Variants in VPS13B observed in about 807,000 individuals in gnomAD.
The protein encoded by VPS13B is vacuolar protein sorting 13 homolog B, also known as intermembrane lipid transfer protein VPS13B.
Under a neutral mutation model 426.4 loss-of-function variants are expected in VPS13B, and 285 were observed. The ratio of observed to expected loss-of-function variants is 0.67; its 90% CI spans 0.61 to 0.74. VPS13B has a LOEUF of 0.74. Among genes scored for constraint, VPS13B ranks in the 30% least tolerant of loss-of-function variants. VPS13B has a pLI of 0.00. For synonymous variants in VPS13B, 1,676 were observed against 1,676.4 expected (o/e 1.00, Z 0.01); for missense variants, 4,537 against 4,782.6 (o/e 0.95, Z 1.51).
At chr8:99,159,868 A>G (rs919050400) in intron 15 of VPS13B, among the ~76,000 whole-genome samples, 1 of 152,162 alleles carries the variant, frequency 6.6e-6, no homozygotes, top group Admixed American at 6.5e-5. Flanking sequence ...CATGTTGCCC[A>G]GGCTGGTCTC....
intron 33 of VPS13B, among the ~76,000 whole-genome samples, chr8:99,619,552 T>TC: frequency 6.6e-6 from 1 of 152,252 alleles, no homozygotes. Context: ...TGCCTCAGTT[T>TC]CCCCACAATT....
intron 39 of VPS13B, among the ~76,000 whole-genome samples, chr8:99,751,388 G>A (rs1420170247): frequency 2.0e-5 from 3 of 152,088 alleles, no homozygotes; most frequent in Admixed American, 1.3e-4. Flanking sequence ...AATTTGGACT[G>A]TAAAGACATA....
At chr8:99,152,166 G>A (rs1811112349) in intron 14 of VPS13B, among the ~76,000 whole-genome samples, 1 of 152,040 alleles carries the variant, frequency 6.6e-6, no homozygotes, top group African/African-American at 2.4e-5. Flanking sequence ...TTACCTCTAA[G>A]CATTGCTTTC....
chr8:99,044,930 CTCG>C (rs1843154461), intron 3 of VPS13B, among the ~76,000 whole-genome samples: 1 of 151,150 alleles, frequency 6.6e-6, no homozygotes, highest in African/African-American at 2.4e-5. Context: ...TCTTTATCCG[CTCG>C]TCGATTGACA....
intron 15 of VPS13B, among the ~76,000 whole-genome samples, chr8:99,165,425 G>A (rs1409844520): frequency 6.6e-6 from 1 of 152,128 alleles, no homozygotes; most frequent in Non-Finnish European, 1.5e-5. Context: ...GTATTGAGTA[G>A]CTAAGAGTTT....
At chr8:99,263,771 C>A (rs1220210559) in intron 17 of VPS13B, among the ~76,000 whole-genome samples, 4 of 152,062 alleles carry the variant, frequency 2.6e-5, no homozygotes, top group Non-Finnish European at 5.9e-5. Flanking sequence ...CTGAATTTTC[C>A]TTTCTGTTGT....
At chr8:99,133,730 A>G (rs1352990629) in intron 8 of VPS13B, among the ~76,000 whole-genome samples, 3 of 152,182 alleles carry the variant, frequency 2.0e-5, no homozygotes, top group Non-Finnish European at 2.9e-5. Flanking sequence ...GTGGCTAGAC[A>G]GTGGAACAGT....
rs190247025 is a variant in VPS13B, at chr8:99,531,281, C to T, written c.4745+10271C>T. ...TGCATTTATTCTACAAATATAGCTC[C>T]GTAGCTAATGATTTTGATTGCCATC... is the stretch of plus-strand genomic sequence containing the variant. On this transcript the variant is annotated intron_variant, in intron 30 of 61. Transcript: ENST00000357162. Among the ~76,000 whole-genome samples, 31 of 152,210 alleles carry T rather than the reference C, an allele frequency of 2.0e-4. 1 individual carries two copies. The South Asian group carries it at 3.5e-3, about 17-fold the overall frequency.
chr8:99,147,968 C>A lies in VPS13B; in HGVS notation c.1971C>A (p.Phe657Leu), dbSNP rs1354897270. ...CCTGCACAATTTCCATGGCTGAATT[C>A]AACTTGCTGGACCATTTACTACCTG... ...KCTCTISMAE[F>L]NLLDHLLPVI... The change falls in exon 14 of 62, where the codon TTC becomes TTA. Residue 657 changes from phenylalanine to leucine, a missense_variant. This residue lies in a region of VPS13B where 4,311 missense variants were observed against 4,474.3 expected (regional missense o/e 0.96). Coordinates refer to ENST00000357162, the MANE Select transcript of VPS13B (RefSeq NM_152564.5). 6.2e-7 allele frequency: 1 copy of A among 1,613,160 alleles called. No homozygotes were observed.
At chr8:99,039,804 T>C (rs557835217) in intron 3 of VPS13B, among the ~76,000 whole-genome samples, 1 of 152,226 alleles carries the variant, frequency 6.6e-6, no homozygotes, top group African/African-American at 2.4e-5. Context: ...ATGAAATCTT[T>C]GATTCCAAAC....
intron 17 of VPS13B, among the ~76,000 whole-genome samples, chr8:99,194,990 T>C (rs548068266): frequency 3.0e-4 from 45 of 152,002 alleles, no homozygotes; most frequent in Non-Finnish European, 5.2e-4. Context: ...GGACTACAGG[T>C]GTGCACCACC....
intron 2 of VPS13B, among the ~76,000 whole-genome samples, chr8:99,016,559 T>G (rs899523157): frequency 6.6e-6 from 1 of 150,988 alleles, no homozygotes; most frequent in African/African-American, 2.4e-5. Flanking sequence ...AAAATTGAGT[T>G]TTCTGTCTTA....
intron 10 of VPS13B, among the ~76,000 whole-genome samples, 197 bp from the exon 11 acceptor site, chr8:99,135,399 T>G (rs1310128217): frequency 6.6e-6 from 1 of 152,050 alleles, no homozygotes; most frequent in African/African-American, 2.4e-5. Flanking sequence ...TCATGGCAGT[T>G]ATTTGGAGTT....
chr8:99,056,931 A>G (rs947622682), intron 3 of VPS13B, among the ~76,000 whole-genome samples: 7 of 152,086 alleles, frequency 4.6e-5, no homozygotes, highest in African/African-American at 1.7e-4. Context: ...TGTAAGTCCT[A>G]TATATGTTTT....
chr8:99,053,234 C>T (rs1259423254), intron 3 of VPS13B, among the ~76,000 whole-genome samples: 1 of 151,986 alleles, frequency 6.6e-6, no homozygotes, highest in Non-Finnish European at 1.5e-5. Context: ...TTGTGTGCTG[C>T]ACCCATTAAC....
Position 99,823,846 on chromosome 8 carries a change from C to T in VPS13B, c.9198C>T (p.Cys3066=). 6.2e-7 allele frequency: 1 copy of T among 1,613,536 alleles called. No homozygotes were observed. Among genetic ancestry groups the T allele is most frequent in the Non-Finnish European group, 8.5e-7 (1 of 1,179,816 alleles). Residue 3066 remains cysteine, a synonymous_variant, in exon 51 of 62, where the codon TGC becomes TGT. Transcript: ENST00000357162. ...TTATCTTGTAGTTATGTCAGTTCTG[C>T]ATTTCCTCCATGGTACAGCAAGGTA... ...FPGHQKLCQF[C]ISSMVQQGIQ...
At chr8:99,431,301 T>C (rs1248178660) in intron 21 of VPS13B, among the ~76,000 whole-genome samples, 1 of 152,212 alleles carries the variant, frequency 6.6e-6, no homozygotes, top group African/African-American at 2.4e-5. Flanking sequence ...TTCTAGTCAC[T>C]AATCCCTGAC....
intron 59 of VPS13B, among the ~76,000 whole-genome samples, chr8:99,868,719 T>G (rs1395499282): frequency 6.6e-6 from 1 of 152,202 alleles, no homozygotes; most frequent in African/African-American, 2.4e-5. Context: ...TAACGAAAAG[T>G]AACCAGTTTA....
chr8:99,193,546 A>T (rs949320107), intron 17 of VPS13B, among the ~76,000 whole-genome samples: 1 of 152,162 alleles, frequency 6.6e-6, no homozygotes, highest in African/African-American at 2.4e-5. Context: ...ACTATAAGAG[A>T]TATCTTCATC....
Sources: gnomAD v4.1 joint callset for allele counts (sites outside exome capture counted in the v4.1 genomes callset) on GRCh38, gnomAD v4.1.1 for gene constraint, gnomAD v4.1.1 regional missense constraint, MANE v1.5 for transcripts, NCBI Gene and HGNC (gene_info 2026-07-23, HGNC 2026-07-21) for gene names.